Variants in DCDC1 observed in about 807,000 individuals in gnomAD.
The protein encoded by DCDC1 is doublecortin domain-containing protein 1.
DCDC1 carries 200 observed loss-of-function variants against 178.3 expected under a neutral mutation model. The ratio of observed to expected loss-of-function variants is 1.12; its 90% CI spans 1.00 to 1.26. The LOEUF (loss-of-function observed/expected upper bound fraction) is 1.26, where lower values mean the gene tolerates loss of function less well. DCDC1 is among the 50% of genes most tolerant of loss of function. The probability of loss-of-function intolerance (pLI) is 0.00; values close to 1 mark genes in which losing one functional copy is unlikely to be tolerated. For synonymous variants in DCDC1, 690 were observed against 604.8 expected, an observed-to-expected ratio of 1.14 and a Z score of -2.07; for missense variants, 1,983 against 1,749.2, an observed-to-expected ratio of 1.13 and a Z score of -2.38.
chr11:30,923,056 AGAAG>A (rs1214885842), intron 23 of DCDC1, among the ~76,000 whole-genome samples: 1 of 151,992 alleles, frequency 6.6e-6, no homozygotes, highest in Non-Finnish European at 1.5e-5. Context: ...AAGGTAGGAA[AGAAG>A]GAAGGAAGGA....
chr11:30,987,622 A>G (rs1420869800), intron 20 of DCDC1, among the ~76,000 whole-genome samples: 1 of 151,962 alleles, frequency 6.6e-6, no homozygotes, highest in Non-Finnish European at 1.5e-5. Context: ...TTTGAATGAC[A>G]AGAAAAAATG....
chr11:31,363,923 C>T (rs781464605), intron 1 of DCDC1, among the ~76,000 whole-genome samples: 1 of 152,144 alleles, frequency 6.6e-6, no homozygotes, highest in Non-Finnish European at 1.5e-5. Flanking sequence ...CTACTGAATA[C>T]ATATTCAGAA....
At chr11:30,961,449 G>A (rs571916259) in intron 20 of DCDC1, among the ~76,000 whole-genome samples, 1 of 152,110 alleles carries the variant, frequency 6.6e-6, no homozygotes, top group African/African-American at 2.4e-5. Flanking sequence ...AATAAGCAGT[G>A]TCTAACAAAC....
chr11:30,875,305 T>A (rs941128816), intron 38 of DCDC1, among the ~76,000 whole-genome samples: 1 of 152,150 alleles, frequency 6.6e-6, no homozygotes, highest in East Asian at 1.9e-4. Flanking sequence ...ACTCTTTCAT[T>A]CTACTTACCT....
intron 8 of DCDC1, among the ~76,000 whole-genome samples, chr11:31,251,002 CT>C (rs1445725272): frequency 2.6e-5 from 4 of 152,126 alleles, no homozygotes; most frequent in Non-Finnish European, 5.9e-5. Flanking sequence ...ATCCATCCAC[CT>C]CAGCCTCCCA....
intron 9 of DCDC1, among the ~76,000 whole-genome samples, chr11:31,214,051 A>C (rs962704185): frequency 1.3e-5 from 2 of 152,188 alleles, no homozygotes; most frequent in Admixed American, 1.3e-4. Context: ...AAAGATCATT[A>C]ATTCACTTAT....
At chr11:31,027,765 C>T (rs1051372254) in intron 20 of DCDC1, among the ~76,000 whole-genome samples, 3 of 151,884 alleles carry the variant, frequency 2.0e-5, no homozygotes, top group African/African-American at 7.2e-5. Context: ...AATAGCTTAG[C>T]TGTAATTCAC....
chr11:31,194,529 C>T (rs158139), intron 9 of DCDC1, among the ~76,000 whole-genome samples: 45,520 of 151,838 alleles, frequency 0.3, 8,297 homozygotes, highest in East Asian at 0.63. Flanking sequence ...ATAACTGAGA[C>T]CATATTTTTA....
intron 18 of DCDC1, among the ~76,000 whole-genome samples, chr11:31,075,304 T>C (rs1173642532): frequency 6.6e-6 from 1 of 152,230 alleles, no homozygotes; most frequent in Non-Finnish European, 1.5e-5. Flanking sequence ...GATAGAACTT[T>C]AGGTTGATTC....
chr11:31,043,671 A>AT (rs1954626338), intron 20 of DCDC1, among the ~76,000 whole-genome samples: 2 of 152,096 alleles, frequency 1.3e-5, no homozygotes, highest in African/African-American at 2.4e-5. Context: ...ACCACATGCG[A>AT]TTTTTACAAT....
intron 20 of DCDC1, among the ~76,000 whole-genome samples, chr11:30,984,723 G>C (rs929592121): frequency 1.3e-5 from 2 of 152,192 alleles, no homozygotes; most frequent in African/African-American, 4.8e-5. Context: ...TAAGCACAGA[G>C]CTGTTTTTTG....
intron 9 of DCDC1, among the ~76,000 whole-genome samples, chr11:31,165,225 T>G (rs2136188340): frequency 6.6e-6 from 1 of 152,334 alleles, no homozygotes; most frequent in Non-Finnish European, 1.5e-5. Context: ...TTAATTTTTG[T>G]CAATCTAATA....
At chr11:30,969,289 GAA>G (rs1362649953) in intron 20 of DCDC1, among the ~76,000 whole-genome samples, 14 of 152,132 alleles carry the variant, frequency 9.2e-5, no homozygotes, top group Non-Finnish European at 2.9e-5. Flanking sequence ...AGTGTCCTTA[GAA>G]GAGAGAGGCA....
At chr11:31,339,498 T>C (rs1204469757) in intron 1 of DCDC1, among the ~76,000 whole-genome samples, 3 of 152,154 alleles carry the variant, frequency 2.0e-5, no homozygotes, top group African/African-American at 4.8e-5. Context: ...AATGTATACA[T>C]TGATCAGTTT....
chr11:30,894,204 A>T (rs1044821255), intron 35 of DCDC1, 44 bp downstream of exon 35: 1 of 1,582,938 alleles, frequency 6.3e-7, no homozygotes, highest in African/African-American at 1.4e-5. Context: ...AAATACTCAT[A>T]AAAAGGGCAG....
intron 2 of DCDC1, among the ~76,000 whole-genome samples, chr11:31,330,184 T>G (rs1949889979): frequency 6.6e-6 from 1 of 152,236 alleles, no homozygotes; most frequent in Admixed American, 6.5e-5. Flanking sequence ...GTCTGTTGGC[T>G]GCATAAATGT....
intron 20 of DCDC1, among the ~76,000 whole-genome samples, chr11:30,956,704 T>C (rs1948792752): frequency 6.6e-6 from 1 of 152,158 alleles, no homozygotes; most frequent in Non-Finnish European, 1.5e-5. Flanking sequence ...GGGTAGGTTA[T>C]CTTAACTATA....
chr11:31,176,904 A>G (rs552773088), intron 9 of DCDC1, among the ~76,000 whole-genome samples: 18 of 152,336 alleles, frequency 1.2e-4, no homozygotes, highest in African/African-American at 3.8e-4. Context: ...ACTTAAGGGA[A>G]TGCTACGACT....
chr11:31,089,403 C>T (rs145047394), intron 17 of DCDC1, among the ~76,000 whole-genome samples: 3 of 152,102 alleles, frequency 2.0e-5, no homozygotes, highest in Admixed American at 6.6e-5. Flanking sequence ...TGATAATGTG[C>T]CTTGGTTTTG....
Sources: gnomAD v4.1 joint callset for allele counts (sites outside exome capture counted in the v4.1 genomes callset) on GRCh38, gnomAD v4.1.1 for gene constraint, MANE v1.5 for transcripts, NCBI Gene and HGNC (gene_info 2026-07-23, HGNC 2026-07-21) for gene names.